The following KLC1 variants were observed in gnomAD, a reference collection of about 807,000 sequenced individuals.
KLC1 encodes kinesin light chain 1, also known as kinesin 2 60/70kDa.
In KLC1, 30 loss-of-function variants were observed where a neutral mutation model predicts 84.2. The ratio of observed to expected loss-of-function variants is 0.36; its 90% CI spans 0.27 to 0.48. The LOEUF is 0.48. Ranked by LOEUF, KLC1 falls within the 20% of genes least tolerant of loss-of-function variation. The pLI is 0.99. For synonymous variants in KLC1, 289 were observed against 293.3 expected, an observed-to-expected ratio of 0.99 and a Z score of 0.15; for missense variants, 499 against 805.4, an observed-to-expected ratio of 0.62 and a Z score of 4.60.
intron 1 of KLC1, among the ~76,000 whole-genome samples, chr14:103,652,402 G>A (rs974712540): frequency 2.6e-5 from 4 of 152,176 alleles, no homozygotes; most frequent in African/African-American, 9.6e-5. Context: ...TCCCAGCCTG[G>A]CACACCATGG....
intron 2 of KLC1, among the ~76,000 whole-genome samples, chr14:103,655,304 T>TATTG (rs200324872): frequency 2.0e-5 from 3 of 152,110 alleles, no homozygotes; most frequent in African/African-American, 2.4e-5. Flanking sequence ...ATCAGAATTG[T>TATTG]ATTGATTGAT....
In KLC1 at chr14:103,675,616, T is replaced by C. The variant is rs1333695897; in HGVS notation, c.1311+15T>C. 6.2e-7 allele frequency: 1 copy of C among 1,609,706 alleles called. No individual in the cohort carries two copies. On this transcript the variant is annotated intron_variant, in intron 10 of 16. Coordinates refer to ENST00000334553, the MANE Select transcript of KLC1 (RefSeq NM_001394837.1). ...AAGAATGCAAAGTAAGAATTTATTA[T>C]TTTGAGATTTTCTAAATTGTATATA...
chr14:103,651,132 C>G (rs1320175010), intron 1 of KLC1, among the ~76,000 whole-genome samples: 2 of 152,088 alleles, frequency 1.3e-5, no homozygotes, highest in Non-Finnish European at 2.9e-5. Flanking sequence ...GCCTCAGCCT[C>G]CATAATAGCT....
chr14:103,640,682 T>C (rs2077419708), intron 1 of KLC1, among the ~76,000 whole-genome samples: 1 of 151,770 alleles, frequency 6.6e-6, no homozygotes, highest in Non-Finnish European at 1.5e-5. Flanking sequence ...AATATACATA[T>C]TGTATGTATA....
At chr14:103,630,453 A>G (rs535188741) in intron 1 of KLC1, among the ~76,000 whole-genome samples, 1 of 152,342 alleles carries the variant, frequency 6.6e-6, no homozygotes, top group Non-Finnish European at 1.5e-5. Flanking sequence ...GAGAACAAAA[A>G]ATTTGAGATA....
At chr14:103,656,550 C>T (rs140178956) in intron 2 of KLC1, among the ~76,000 whole-genome samples, 2 of 152,138 alleles carry the variant, frequency 1.3e-5, no homozygotes, top group African/African-American at 2.4e-5. Flanking sequence ...TGCTGGCCAG[C>T]GGTTTCTGCT....
At chr14:103,701,051 C>T in intron 16 of KLC1, 150 bp from the exon 17 acceptor site, 1 of 969,260 alleles carries the variant, frequency 1.0e-6, no homozygotes, top group Non-Finnish European at 1.6e-6. Context: ...CCCATGACCC[C>T]TCGGCCCCAG....
At chr14:103,661,262 C>T (rs573593531) in intron 3 of KLC1, among the ~76,000 whole-genome samples, 4 of 152,280 alleles carry the variant, frequency 2.6e-5, no homozygotes, top group African/African-American at 9.6e-5. Flanking sequence ...GGCATTGTTT[C>T]ACTGTGTCCC....
rs541162463 is a variant in KLC1 at position 103,685,149 on chromosome 14, C to A, written c.1651-1932C>A. 69 of 1,468,776 alleles carry A rather than the reference C, an allele frequency of 4.7e-5. No individual in the cohort carries two copies. In the East Asian group the frequency reaches 1.6e-3, roughly 34 times the overall value. 91.0% of individuals were successfully genotyped at this position (1,468,776 alleles called of 1,614,324 possible). A position where few individuals can be genotyped will look rare whatever the true frequency, so the allele number is the denominator to read the frequency against. On this transcript the variant is annotated intron_variant, in intron 13 of 16. Coordinates refer to ENST00000334553, the MANE Select transcript of KLC1 (RefSeq NM_001394837.1). ...ATTGCTGCCTGTGGAAATTAATTTTCTTTTGGATTATCAACTGCATGTTTA... is the reference window on the plus strand; with the variant it reads ...ATTGCTGCCTGTGGAAATTAATTTTATTTTGGATTATCAACTGCATGTTTA...
At chr14:103,696,916 A>G (rs529108955) in intron 15 of KLC1, 2 of 985,388 alleles carry the variant, frequency 2.0e-6, no homozygotes, top group South Asian at 4.7e-5. Context: ...GCCCGTCTGC[A>G]GACTCCTGTG....
rs1313866474 is a variant in KLC1 at position 103,694,873 on chromosome 14, C to T, written c.1848+2448C>T. On this transcript the variant is annotated intron_variant, in intron 15 of 16. Coordinates refer to ENST00000334553, the MANE Select transcript of KLC1 (RefSeq NM_001394837.1). This position sits in a 1 kb window ranked among gnomAD's most constrained non-coding sequence, Gnocchi z 4.5. Reference sequence around the variant, plus strand: ...TTAAAATACCTTTCAAAGTTTCATCCCGCCTCATGTCGCAGGACTGCTGTG... The same window carrying T: ...TTAAAATACCTTTCAAAGTTTCATCTCGCCTCATGTCGCAGGACTGCTGTG... 1 of 985,482 alleles carries T rather than the reference C, an allele frequency of 1.0e-6. No homozygotes were observed. The highest frequency in any genetic ancestry group is 1.2e-6 in the Non-Finnish European group (1 of 829,950). The allele number at this position is 985,482 out of a possible 1,614,324, so 61.0% of individuals were successfully genotyped here. A position where few individuals can be genotyped will look rare whatever the true frequency, so the allele number is the denominator to read the frequency against.
At chr14:103,683,202 G>A (rs56326886) in intron 13 of KLC1, 1 of 152,278 alleles carries the variant, frequency 6.6e-6, no homozygotes, top group Non-Finnish European at 1.5e-5. Flanking sequence ...AGCGGGTGGT[G>A]ACAGACCCTG....
At chr14:103,676,646 T>C (rs1051126995) in intron 11 of KLC1, among the ~76,000 whole-genome samples, 7 of 152,184 alleles carry the variant, frequency 4.6e-5, no homozygotes, top group African/African-American at 1.7e-4. Context: ...TCTCTAGGGC[T>C]CCCATAGCAC....
intron 14 of KLC1, among the ~76,000 whole-genome samples, chr14:103,690,180 CAAAA>C (rs57400682): frequency 8.7e-6 from 1 of 115,132 alleles, no homozygotes; most frequent in Non-Finnish European, 1.9e-5. Flanking sequence ...AACTTCGTCT[CAAAA>C]AAAAAAAAAA....
rs765078097 is a variant in KLC1 at position 103,698,846 on chromosome 14, C to G, written c.1849-1809C>G. ...TCCCTCGCACCCCTTCGGCACTGAT[C>G]GTGTAGGAACAGGAGGAGGGGGGCA... On this transcript the variant is annotated intron_variant, in intron 15 of 16. Coordinates refer to ENST00000334553, the MANE Select transcript of KLC1 (RefSeq NM_001394837.1). 3.1e-6 allele frequency: 5 copies of G among 1,607,200 alleles called. No individual in the cohort carries two copies. The African/African-American group carries it at 4.0e-5, about 13-fold the overall frequency.
rs143026958 is a variant in KLC1, at chr14:103,665,740, G to A, written c.797+2813G>A. 5.7e-4 allele frequency among the ~76,000 whole-genome samples: 87 copies of A among 152,140 alleles called. No individual in the cohort carries two copies. In the Middle Eastern group the frequency reaches 0.017, roughly 30 times the overall value. ...GGTGTGAGCCACTGTGCCCAGCCATGTATTTCTTTTTTTAGGATAAATTCC... is the reference window on the plus strand; with the variant it reads ...GGTGTGAGCCACTGTGCCCAGCCATATATTTCTTTTTTTAGGATAAATTCC... On this transcript the variant is annotated intron_variant, in intron 5 of 16. Coordinates refer to ENST00000334553, the MANE Select transcript of KLC1 (RefSeq NM_001394837.1).
intron 13 of KLC1, chr14:103,685,636 A>G: frequency 7.8e-7 from 1 of 1,289,384 alleles, no homozygotes; most frequent in Non-Finnish European, 1.0e-6. Flanking sequence ...TCTGTCTGAC[A>G]GGCCTAGCCG....
chr14:103,696,091 C>CGGGGG, intron 15 of KLC1: 3 of 744,666 alleles, frequency 4.0e-6, no homozygotes, highest in Non-Finnish European at 4.5e-6. Flanking sequence ...ATAATCACTG[C>CGGGGG]GCCCCCGCCC....
At chr14:103,639,274 G>C (rs1054080334) in intron 1 of KLC1, among the ~76,000 whole-genome samples, 15 of 152,110 alleles carry the variant, frequency 9.9e-5, no homozygotes, top group African/African-American at 3.6e-4. Context: ...GGAACTACAG[G>C]CATGTGCCAC....
Sources: allele counts gnomAD v4.1 joint callset (sites outside exome capture counted in the v4.1 genomes callset), GRCh38; gene constraint gnomAD v4.1.1; non-coding constraint Gnocchi (gnomAD v3.1); transcripts MANE v1.5; gene names NCBI Gene and HGNC (gene_info 2026-07-23, HGNC 2026-07-21).